GALNT1: variants seen among roughly 807,000 people sequenced by gnomAD.
The protein encoded by GALNT1 is polypeptide N-acetylgalactosaminyltransferase 1.
In GALNT1, 17 loss-of-function variants were observed where a neutral mutation model predicts 65.7. The observed-to-expected ratio is 0.26, with a 90% CI of 0.18 to 0.39. GALNT1 has a LOEUF of 0.39. Ranked by LOEUF, GALNT1 falls within the 10% of genes least tolerant of loss-of-function variation. GALNT1 has a pLI of 1.00. For synonymous variants in GALNT1, 210 were observed against 219.7 expected (o/e 0.96, Z 0.39); for missense variants, 460 against 672.8 (o/e 0.68, Z 3.50).
chr18:35,658,219 T>C (rs1445808824), intron 2 of GALNT1, among the ~76,000 whole-genome samples: 1 of 152,160 alleles, frequency 6.6e-6, no homozygotes, highest in African/African-American at 2.4e-5. Context: ...AAATGGACTC[T>C]GGAGGAGAGC....
In GALNT1 at chr18:35,603,228, C is replaced by T. The variant is rs559136661; in HGVS notation, c.-104+21366C>T. ...GCTGGTGGGGAAGCTGGCCTTTCAC[C>T]TTGACCTCACTTTTTCCAGTGTAGA... On this transcript the variant is annotated intron_variant, in intron 1 of 11. Coordinates refer to ENST00000269195, the MANE Select transcript of GALNT1 (RefSeq NM_020474.4). Among the ~76,000 whole-genome samples the T allele has an allele frequency of 9.9e-4, 151 of 152,254 alleles. 3 individuals carry two copies. In the South Asian group the frequency reaches 0.012, roughly 12 times the overall value.
chr18:35,649,608 A>G (rs2047283330), intron 1 of GALNT1, among the ~76,000 whole-genome samples: 1 of 152,062 alleles, frequency 6.6e-6, no homozygotes, highest in Admixed American at 6.6e-5. Flanking sequence ...TTAGTTAGGA[A>G]GTCCAGTTTA....
chr18:35,610,251 G>A (rs1023125956), intron 1 of GALNT1, among the ~76,000 whole-genome samples: 4 of 152,194 alleles, frequency 2.6e-5, no homozygotes, highest in Non-Finnish European at 5.9e-5. Context: ...CCCTTCTGCA[G>A]GATCTTCCTG....
chr18:35,582,064 G>C (rs111811212), intron 1 of GALNT1, among the ~76,000 whole-genome samples: 2,265 of 152,210 alleles, frequency 0.015, 17 homozygotes, highest in Admixed American at 0.022. Context: ...CTGGTTGGCA[G>C]CTTTGGCGAG....
chr18:35,704,663 A>AGAT (rs1163090326), intron 11 of GALNT1, among the ~76,000 whole-genome samples: 6 of 146,558 alleles, frequency 4.1e-5, no homozygotes, highest in African/African-American at 7.6e-5. Flanking sequence ...TATTTTTTTG[A>AGAT]GATGGAGTCT....
At chr18:35,699,840 GAAACA>G (rs1464135564) in intron 9 of GALNT1, among the ~76,000 whole-genome samples, 1 of 152,098 alleles carries the variant, frequency 6.6e-6, no homozygotes, top group Non-Finnish European at 1.5e-5. Context: ...GTATAAACTT[GAAACA>G]AGTATGTGTT....
chr18:35,677,519 C>T (rs1032356763), intron 3 of GALNT1, 72 bp from the exon 4 acceptor site: 12 of 1,243,142 alleles, frequency 9.7e-6, no homozygotes, highest in African/African-American at 4.5e-5. Context: ...TTCTATCACC[C>T]TTCTAGTCCA....
intron 8 of GALNT1, 129 bp downstream of exon 8, chr18:35,691,321 G>A: frequency 1.0e-5 from 7 of 672,876 alleles, no homozygotes; most frequent in Non-Finnish European, 1.7e-5. Context: ...GTCATTGTAA[G>A]GAATGAATGA....
intron 1 of GALNT1, among the ~76,000 whole-genome samples, chr18:35,602,612 C>T (rs368301018): frequency 3.9e-5 from 6 of 151,962 alleles, no homozygotes; most frequent in Admixed American, 2.0e-4. Context: ...TCATATTGTT[C>T]GGCTTGATCC....
chr18:35,594,768 G>A (rs2046485457), intron 1 of GALNT1, among the ~76,000 whole-genome samples: 1 of 152,222 alleles, frequency 6.6e-6, no homozygotes, highest in South Asian at 2.1e-4. Context: ...AAGTTTGGCA[G>A]GGGTGAGGGA....
intron 1 of GALNT1, among the ~76,000 whole-genome samples, chr18:35,605,236 C>T (rs530630844): frequency 3.3e-5 from 5 of 152,128 alleles, no homozygotes; most frequent in East Asian, 1.9e-4. Flanking sequence ...TGACCTGGCA[C>T]GGTGGCTCAC....
At chr18:35,688,342 A>G (rs1027547962) in intron 6 of GALNT1, among the ~76,000 whole-genome samples, 21 of 152,186 alleles carry the variant, frequency 1.4e-4, no homozygotes, top group African/African-American at 5.1e-4. Context: ...TTTAGGGTTC[A>G]TCTTAAAATA....
At chr18:35,707,264 T>G (rs1286655007) in intron 11 of GALNT1, among the ~76,000 whole-genome samples, 1 of 152,246 alleles carries the variant, frequency 6.6e-6, no homozygotes, top group Non-Finnish European at 1.5e-5. Context: ...TTATTTTTTC[T>G]AGGATGCAGG....
At chr18:35,586,450 A>C (rs1186379151) in intron 1 of GALNT1, among the ~76,000 whole-genome samples, 1 of 152,014 alleles carries the variant, frequency 6.6e-6, no homozygotes, top group Non-Finnish European at 1.5e-5. Context: ...CCAGTTTCTC[A>C]GTTTATTTTT....
intron 3 of GALNT1, among the ~76,000 whole-genome samples, chr18:35,673,973 C>T (rs897482168): frequency 2.0e-5 from 3 of 152,164 alleles, no homozygotes; most frequent in Admixed American, 6.5e-5. Context: ...GCCTATTACT[C>T]CCAGTCTATT....
intron 9 of GALNT1, among the ~76,000 whole-genome samples, chr18:35,692,819 A>T (rs548366517): frequency 4.7e-4 from 72 of 152,320 alleles, no homozygotes; most frequent in African/African-American, 1.6e-3. Flanking sequence ...GCAAATGATG[A>T]TATGTGTAGA....
chr18:35,605,759 A>G (rs1189259374), intron 1 of GALNT1, among the ~76,000 whole-genome samples: 1 of 152,158 alleles, frequency 6.6e-6, no homozygotes, highest in African/African-American at 2.4e-5. Flanking sequence ...CCTTAAAATC[A>G]GTAGCTTTAA....
chr18:35,694,174 T>A (rs2048015500), intron 9 of GALNT1, among the ~76,000 whole-genome samples: 1 of 152,232 alleles, frequency 6.6e-6, no homozygotes, highest in African/African-American at 2.4e-5. Flanking sequence ...TTAAAAACTC[T>A]GTTTTGAAGA....
chr18:35,655,704 A>G (rs919434155), intron 2 of GALNT1, among the ~76,000 whole-genome samples: 2 of 152,062 alleles, frequency 1.3e-5, no homozygotes, highest in South Asian at 4.1e-4. Context: ...AATTTTTTAT[A>G]CTTTTATGAT....
Sources: gnomAD v4.1 joint callset for allele counts (sites outside exome capture counted in the v4.1 genomes callset) on GRCh38, gnomAD v4.1.1 for gene constraint, MANE v1.5 for transcripts, NCBI Gene and HGNC (gene_info 2026-07-23, HGNC 2026-07-21) for gene names.